Variants in ACSM6 observed in about 807,000 individuals in gnomAD.
ACSM6 encodes the protein acyl-CoA synthetase medium chain family member 6.
In ACSM6, 35 loss-of-function variants were observed where a neutral mutation model predicts 51.1. That is an observed-to-expected ratio of 0.69 (90% CI 0.52 to 0.91). ACSM6 has a LOEUF of 0.91. Ranked by LOEUF, ACSM6 falls within the 40% of genes least tolerant of loss-of-function variation. The probability of loss-of-function intolerance (pLI) is 0.00; values close to 1 mark genes in which losing one functional copy is unlikely to be tolerated. For synonymous variants in ACSM6, 172 were observed against 207.3 expected (o/e 0.83, Z 1.46); for missense variants, 509 against 584.1 (o/e 0.87, Z 1.32).
intron 2 of ACSM6, among the ~76,000 whole-genome samples, chr10:95,198,893 G>A (rs1298748997): frequency 6.6e-6 from 1 of 152,112 alleles, no homozygotes; most frequent in East Asian, 1.9e-4. Flanking sequence ...CTCACGGGTA[G>A]GAAGAATCAA....
At position 95,194,465 on chromosome 10, in the gene ACSM6, G is replaced by A. The variant is rs762693798; in HGVS notation, c.-21G>A. On this transcript the variant is annotated splice_region_variant and 5_prime_UTR_variant, in exon 2 of 11. In the 5' UTR this introduces an upstream ATG that the reference lacks. Coordinates refer to ENST00000341686, the Ensembl canonical transcript of ACSM6. ...CCTGTCTTTTCCTCAATTTACCTAG[G>A]TGGTTCCCTGTCTGACCCAAATGCT... is the stretch of plus-strand genomic sequence containing the variant. The A allele has an allele frequency of 7.1e-6, 11 of 1,548,948 alleles. No homozygotes were observed. The highest frequency in any genetic ancestry group is 6.9e-5 in the African/African-American group (5 of 72,958).
At chr10:95,223,928 TA>T (rs1256057689) in intron 9 of ACSM6, among the ~76,000 whole-genome samples, 6 of 152,160 alleles carry the variant, frequency 3.9e-5, no homozygotes, top group Non-Finnish European at 7.3e-5. Flanking sequence ...CTATTAGAGC[TA>T]AAAATTGAGG....
chr10:95,216,023 G>C (rs1343518782), intron 8 of ACSM6, among the ~76,000 whole-genome samples: 1 of 152,124 alleles, frequency 6.6e-6, no homozygotes, highest in East Asian at 1.9e-4. Context: ...CAAACTCCTG[G>C]GATCAAGAGA....
At chr10:95,208,440 C>T (rs1290224382) in intron 4 of ACSM6, among the ~76,000 whole-genome samples, 3 of 152,244 alleles carry the variant, frequency 2.0e-5, no homozygotes, top group East Asian at 3.9e-4. Context: ...GCAATATCCA[C>T]GTAACAAAAC....
At chr10:95,227,186 C>T (rs1379299050) in intron 10 of ACSM6, among the ~76,000 whole-genome samples, 1 of 152,058 alleles carries the variant, frequency 6.6e-6, no homozygotes, top group Non-Finnish European at 1.5e-5. Context: ...AGGGTTTTAC[C>T]ATGTTGGCCA....
intron 9 of ACSM6, among the ~76,000 whole-genome samples, chr10:95,220,270 T>G (rs2034984667): frequency 6.6e-6 from 1 of 152,192 alleles, no homozygotes. Flanking sequence ...AAAAGATATG[T>G]GCAAAATAAA....
intron 3 of ACSM6, among the ~76,000 whole-genome samples, chr10:95,203,037 G>A (rs954178269): frequency 1.1e-4 from 16 of 151,994 alleles, no homozygotes; most frequent in African/African-American, 3.9e-4. Flanking sequence ...CACAGCAGGA[G>A]ATGCGCAGAG....
Position 95,214,398 on chromosome 10 carries a change from G to A in ACSM6, c.996-454G>A, listed in dbSNP as rs180785536. 2.8e-4 allele frequency among the ~76,000 whole-genome samples: 42 copies of A among 152,308 alleles called. 1 individual carries two copies. The highest frequency in any genetic ancestry group is 8.7e-4 in the African/African-American group (36 of 41,572). The stretch of plus-strand genomic sequence containing the variant: ...CTCACTACTATTCTATTGTTGGGGC[G>A]CTGTGGAAACTTATAATATCTAGAG... On this transcript the variant is annotated intron_variant, in intron 7 of 10. Transcript: ENST00000341686.
intron 4 of ACSM6, among the ~76,000 whole-genome samples, chr10:95,209,149 T>C (rs925076524): frequency 1.3e-5 from 2 of 152,120 alleles, no homozygotes; most frequent in African/African-American, 4.8e-5. Flanking sequence ...TGGTGACTTC[T>C]GAGGTGAGGA....
intron 4 of ACSM6, among the ~76,000 whole-genome samples, chr10:95,208,055 C>T (rs1185013372): frequency 1.3e-5 from 2 of 151,982 alleles, no homozygotes; most frequent in African/African-American, 2.4e-5. Context: ...GCAGGAGAAT[C>T]GCTTGAACTC....
At chr10:95,207,496 T>A in intron 4 of ACSM6, 81 bp downstream of exon 4, 1 of 1,421,114 alleles carries the variant, frequency 7.0e-7, no homozygotes, top group Non-Finnish European at 9.9e-7. Flanking sequence ...GAAAGTGGTG[T>A]GAGTGGTCAG....
chr10:95,202,269 G>A (rs977133262), intron 3 of ACSM6, 74 bp downstream of exon 3: 1 of 1,258,200 alleles, frequency 7.9e-7, no homozygotes, highest in African/African-American at 1.5e-5. Flanking sequence ...ACAGAATGGA[G>A]ATGTTAGAGG....
At chr10:95,210,820 G>T in intron 5 of ACSM6, 27 bp downstream of exon 5, 1 of 1,597,688 alleles carries the variant, frequency 6.3e-7, no homozygotes, top group Non-Finnish European at 8.5e-7. Context: ...GCCTGTACAG[G>T]CCTGAAAGTT....
chr10:95,217,528 G>C (rs1480285790), intron 8 of ACSM6, among the ~76,000 whole-genome samples: 2 of 152,030 alleles, frequency 1.3e-5, no homozygotes, highest in African/African-American at 4.8e-5. Context: ...AGAATTTGTG[G>C]TGGGGGGCAG....
At chr10:95,210,940 C>A in intron 5 of ACSM6, 147 bp downstream of exon 5, 5 of 945,810 alleles carry the variant, frequency 5.3e-6, no homozygotes, top group South Asian at 4.6e-5. Context: ...GCTGAGGGCC[C>A]CAAAAGATGA....
At chr10:95,219,834 A>T in intron 8 of ACSM6, 57 bp from the exon 9 acceptor site, 1 of 1,263,268 alleles carries the variant, frequency 7.9e-7, no homozygotes, top group Non-Finnish European at 1.2e-6. Flanking sequence ...ATCAATAACT[A>T]GATCCATTAA....
At chr10:95,221,034 T>C (rs1343472340) in intron 9 of ACSM6, among the ~76,000 whole-genome samples, 1 of 152,008 alleles carries the variant, frequency 6.6e-6, no homozygotes, top group Non-Finnish European at 1.5e-5. Flanking sequence ...GTAATTTTCC[T>C]CTCAAAAAAT....
At chr10:95,211,102 G>A (rs1174815178) in intron 5 of ACSM6, among the ~76,000 whole-genome samples, 2 of 152,122 alleles carry the variant, frequency 1.3e-5, no homozygotes, top group Non-Finnish European at 2.9e-5. Flanking sequence ...CCAGCACCAG[G>A]GTGAACAATT....
At chr10:95,215,890 C>G (rs1040297195) in intron 8 of ACSM6, among the ~76,000 whole-genome samples, 8 of 152,036 alleles carry the variant, frequency 5.3e-5, no homozygotes, top group African/African-American at 1.9e-4. Flanking sequence ...GAGAGAGAGA[C>G]CAAGCTCTTT....
Sources: allele counts gnomAD v4.1 joint callset (sites outside exome capture counted in the v4.1 genomes callset), GRCh38; gene constraint gnomAD v4.1.1; transcripts MANE v1.5; gene names NCBI Gene and HGNC (gene_info 2026-07-23, HGNC 2026-07-21).